The following TEPSIN variants were observed in gnomAD, a reference collection of about 807,000 sequenced individuals.
TEPSIN encodes TEPSIN adaptor related protein complex 4 accessory protein.
Under a neutral mutation model 48.5 loss-of-function variants are expected in TEPSIN, and 50 were observed. That is an observed-to-expected ratio of 1.03 (90% confidence interval 0.82 to 1.31). The LOEUF is 1.31. Among genes scored for constraint, TEPSIN ranks in the 50% most tolerant of loss-of-function variants. The pLI is 0.00. For synonymous variants in TEPSIN, 392 were observed against 358.8 expected, an observed-to-expected ratio of 1.09 and a Z score of -1.05; for missense variants, 838 against 815.9, an observed-to-expected ratio of 1.03 and a Z score of -0.33.
At chr17:81,229,607 C>T (rs930068227) in intron 12 of TEPSIN, 131 bp from the exon 13 acceptor site, 43 of 981,106 alleles carry the variant, frequency 4.4e-5, no homozygotes, top group Admixed American at 8.2e-5. Flanking sequence ...GGCAGGACAC[C>T]GGCTGCTGGG....
Position 81,228,953 on chromosome 17 carries a change from G to T in TEPSIN, c.1757C>A (p.Ser586Ter), listed in dbSNP as rs776049058. 1.2e-6 allele frequency: 2 copies of T among 1,613,612 alleles called. No homozygotes were observed. Residue 586 changes from serine (S) to a stop codon, truncating the protein, a stop_gained, in exon 13 of 13, where the codon TCA becomes TAA. Transcript: ENST00000637944. LOFTEE classifies it high-confidence loss of function. ...TCAGGCGTTCAGGAACGCGAAAGCT[G>T]ACGGCTCTGAGCCAGGAGGCTCTTT... ...AAKEPPGSEP[S>*]AFAFLNA
rs750974004 is a variant in TEPSIN, at chr17:81,237,081, G to A, written c.122-10C>T. On this transcript the variant is annotated splice_polypyrimidine_tract_variant and intron_variant, in intron 2 of 12. Coordinates refer to ENST00000637944, the MANE Select transcript of TEPSIN (RefSeq NM_001363764.2). ...GACTCGTGGGAGATTTCTGCGGCAC[G>A]CTCGGGTTAGGGAAGGGCGAGATGA... The A allele has an allele frequency of 3.8e-6, 6 of 1,576,844 alleles. No individual in the cohort carries two copies. The highest frequency in any genetic ancestry group is 3.5e-5 in the South Asian group (3 of 86,488).
At chr17:81,229,732 T>C in intron 12 of TEPSIN, 1 of 527,492 alleles carries the variant, frequency 1.9e-6, no homozygotes, top group Non-Finnish European at 3.3e-6. Context: ...CTTTACTCAC[T>C]ACTAGACAAA....
At position 81,228,412 on chromosome 17, in the gene TEPSIN, G is replaced by T; in HGVS notation, c.*516C>A. Reference sequence around the variant, plus strand: ...TTACAGCCTAAAGGAGCAGGTGAGAGCCAGGGAAGGATCACGTAGGGATCT... The same window carrying T: ...TTACAGCCTAAAGGAGCAGGTGAGATCCAGGGAAGGATCACGTAGGGATCT... On this transcript the variant is annotated 3_prime_UTR_variant, in exon 13 of 13. Transcript: ENST00000637944. The T allele has an allele frequency of 8.7e-5, 16 of 183,884 alleles. No individual in the cohort carries two copies. The highest frequency in any genetic ancestry group is 1.3e-4 in the Non-Finnish European group (12 of 89,278). The allele number at this position is 183,884 out of a possible 1,614,324, so 11.4% of individuals were successfully genotyped here. A position where few individuals can be genotyped will look rare whatever the true frequency, so the allele number is the denominator to read the frequency against.
Position 81,229,371 on chromosome 17 carries a change from TCAG to T in TEPSIN, c.1336_1338del (p.Leu446del), listed in dbSNP as rs2062539682. 3 of 1,556,298 alleles carry T rather than the reference TCAG, an allele frequency of 1.9e-6. No individual in the cohort carries two copies. The highest frequency in any genetic ancestry group is 2.0e-5 in the Admixed American group (1 of 51,274). On this transcript the variant is annotated inframe_deletion, in exon 13 of 13. Coordinates refer to ENST00000637944, the MANE Select transcript of TEPSIN (RefSeq NM_001363764.2). ...CTCCCAGGGAGAGGCACAGCGTCGGTCAGCAGGTCAGATGGGCCTGGGAGGGCG... is the reference window on the plus strand; with the variant it reads ...CTCCCAGGGAGAGGCACAGCGTCGGTCAGGTCAGATGGGCCTGGGAGGGCG...
chr17:81,230,258 A>G lies in TEPSIN; in HGVS notation c.1233+286T>C, dbSNP rs947542747. 6.1e-5 allele frequency: 28 copies of G among 457,434 alleles called. 1 individual carries two copies. Among genetic ancestry groups the G allele is most frequent in the Admixed American group, 3.6e-4 (9 of 25,072 alleles). The allele number at this position is 457,434 out of a possible 1,614,324, so 28.3% of individuals were successfully genotyped here. On this transcript the variant is annotated intron_variant, in intron 12 of 12. Coordinates refer to ENST00000637944, the MANE Select transcript of TEPSIN (RefSeq NM_001363764.2). This position sits in a 1 kb window ranked among gnomAD's most constrained non-coding sequence, Gnocchi z 4.2. Reference sequence around the variant, plus strand: ...TGGAAGAGGTAAGTGTGAGGCCAAGACACAAGGGCAGGAACATTAAGGCAG... The same window carrying G: ...TGGAAGAGGTAAGTGTGAGGCCAAGGCACAAGGGCAGGAACATTAAGGCAG...
rs147640416 is a variant in TEPSIN, at chr17:81,235,667, G to A, written c.307+1041C>T. Among the ~76,000 whole-genome samples, 18 of 152,232 alleles carry A rather than the reference G, an allele frequency of 1.2e-4. No homozygotes were observed. In the East Asian group the frequency reaches 2.9e-3, roughly 25 times the overall value. On this transcript the variant is annotated intron_variant, in intron 4 of 12. Coordinates refer to ENST00000637944, the MANE Select transcript of TEPSIN (RefSeq NM_001363764.2). ...ACGTACATGCACCAACCACAGCCAC[G>A]GGAGTGGCCTGGAGCCCGGGGCCCT...
chr17:81,231,374 C>T, intron 11 of TEPSIN, 24 bp downstream of exon 11: 1 of 1,523,150 alleles, frequency 6.6e-7, no homozygotes, highest in South Asian at 1.3e-5. Flanking sequence ...CAGTCACGCC[C>T]TCCCGCCCGC....
intron 8 of TEPSIN, 23 bp downstream of exon 8, chr17:81,232,292 G>A (rs1198389264): frequency 2.0e-6 from 3 of 1,504,146 alleles, no homozygotes; most frequent in Non-Finnish European, 2.7e-6. Context: ...AGACCCCAAG[G>A]GGAGGAGCCC....
At position 81,232,313 on chromosome 17, in the gene TEPSIN, A is replaced by T. The variant is rs180934754; in HGVS notation, c.730+2T>A. 38 of 1,521,364 alleles carry T rather than the reference A, an allele frequency of 2.5e-5. No individual in the cohort carries two copies. In the East Asian group the frequency reaches 9.1e-4, roughly 37 times the overall value. The allele number at this position is 1,521,364 out of a possible 1,614,324, so 94.2% of individuals were successfully genotyped here. A position where few individuals can be genotyped will look rare whatever the true frequency, so the allele number is the denominator to read the frequency against. ...CAAGGGGAGGAGCCCTCGCCTCGAT[A>T]CCTCGGGGACCTGGAATGGCCCCGG... On this transcript the variant is annotated splice_donor_variant, in intron 8 of 12. Coordinates refer to ENST00000637944, the MANE Select transcript of TEPSIN (RefSeq NM_001363764.2). LOFTEE classifies it high-confidence loss of function.
intron 1 of TEPSIN, chr17:81,238,247 A>C (rs2062762057): frequency 1.5e-5 from 13 of 889,352 alleles, no homozygotes; most frequent in Non-Finnish European, 1.8e-5. Flanking sequence ...ACCACGCCCT[A>C]AGGGGAGCTG....
intron 8 of TEPSIN, 57 bp from the exon 9 acceptor site, chr17:81,232,078 C>T: frequency 6.4e-7 from 1 of 1,568,936 alleles, no homozygotes; most frequent in South Asian, 1.1e-5. Flanking sequence ...GCCCCATGCC[C>T]ACCTCCCGGG....
Position 81,231,870 on chromosome 17 carries a change from C to T in TEPSIN, c.882G>A (p.Arg294=). 6.2e-7 allele frequency: 1 copy of T among 1,613,570 alleles called. No homozygotes were observed. The highest frequency in any genetic ancestry group is 1.1e-5 in the South Asian group (1 of 91,082). ...SGSDSHSGAS[R]EPGDLAERVE... ...ACCTTTCTGCCAGGTCACCCGGCTC[C>T]CGGCTGGCCCCTGAATGGCTGTCGC... Residue 294 remains arginine (R), a synonymous_variant, in exon 9 of 13, where the codon CGG becomes CGA. Transcript: ENST00000637944.
chr17:81,228,538 G>A lies in TEPSIN; in HGVS notation c.*390C>T, dbSNP rs554667053. ...CCAGCCTCAGCACCTAGCCCACCCC[G>A]ATGGGACGGGGGAGCAGTGGCTTGT... On this transcript the variant is annotated 3_prime_UTR_variant, in exon 13 of 13. Transcript: ENST00000637944. 138 of 303,222 alleles carry A rather than the reference G, an allele frequency of 4.6e-4. 1 individual carries two copies. The highest frequency in any genetic ancestry group is 2.7e-3 in the African/African-American group (119 of 43,350). The allele number at this position is 303,222 out of a possible 1,614,324, so 18.8% of individuals were successfully genotyped here. A position where few individuals can be genotyped will look rare whatever the true frequency, so the allele number is the denominator to read the frequency against.
rs1475755747 is a variant in TEPSIN, at chr17:81,233,747, C to T, written c.376-31G>A. ...GGGGGAGGCGAAGGCCCTCAGTGTC[C>T]TCACACCAGGGCCTGCTGTACTCAC... On this transcript the variant is annotated intron_variant, in intron 5 of 12. Transcript: ENST00000637944. The surrounding 1 kb of genome is among the most constrained non-coding windows in gnomAD (Gnocchi z 5.8). The T allele has an allele frequency of 3.8e-6, 6 of 1,565,476 alleles. No homozygotes were observed. The East Asian group carries it at 1.1e-4, about 30-fold the overall frequency.
Position 81,237,941 on chromosome 17 carries a change from G to A in TEPSIN, c.49-482C>T. The A allele has an allele frequency of 6.0e-6, 6 of 998,444 alleles. No homozygotes were observed. In the South Asian group the frequency reaches 2.4e-4, roughly 40 times the overall value. 61.8% of individuals were successfully genotyped at this position (998,444 alleles called of 1,614,324 possible). On this transcript the variant is annotated intron_variant, in intron 1 of 12. Coordinates refer to ENST00000637944, the MANE Select transcript of TEPSIN (RefSeq NM_001363764.2). ...CTCCATCGCTCCCCGAGAACCGACT[G>A]ATGTCGTGTGTTTTACGTTCGCTTA...
At position 81,234,665 on chromosome 17, in the gene TEPSIN, C is replaced by T. The variant is rs896000106; in HGVS notation, c.308-617G>A. 1.3e-5 allele frequency among the ~76,000 whole-genome samples: 2 copies of T among 152,008 alleles called. No homozygotes were observed. Among genetic ancestry groups the T allele is most frequent in the South Asian group, 2.1e-4 (1 of 4,826 alleles). ...CCACTCACGCCCCTCGGCCGTCTAC[C>T]TCCACCCTGGCAGGCTGGTCCCGTG... On this transcript the variant is annotated intron_variant, in intron 4 of 12. Coordinates refer to ENST00000637944, the MANE Select transcript of TEPSIN (RefSeq NM_001363764.2). The surrounding 1 kb of genome is among the most constrained non-coding windows in gnomAD (Gnocchi z 5.4).
chr17:81,229,474 GATCT>G lies in TEPSIN; in HGVS notation c.1234-2_1235del. 6.5e-7 allele frequency: 1 copy of G among 1,549,376 alleles called. No individual in the cohort carries two copies. Among genetic ancestry groups the G allele is most frequent in the Non-Finnish European group, 8.7e-7 (1 of 1,146,544 alleles). On this transcript the variant is annotated splice_acceptor_variant and coding_sequence_variant, in exon 13 of 13. Coordinates refer to ENST00000637944, the MANE Select transcript of TEPSIN (RefSeq NM_001363764.2). LOFTEE classifies it high-confidence loss of function. ...CACAGGAGGCCTCAAAGTGCCTCAGGATCTGAAAGAGGAAGGAGGAACCAGGGAG... is the reference window on the plus strand; with the variant it reads ...CACAGGAGGCCTCAAAGTGCCTCAGGGAAAGAGGAAGGAGGAACCAGGGAG...
intron 2 of TEPSIN, 73 bp from the exon 3 acceptor site, chr17:81,237,144 G>C (rs530078242): frequency 2.1e-6 from 3 of 1,457,922 alleles, no homozygotes; most frequent in African/African-American, 1.4e-5. Flanking sequence ...CCAGGCCATG[G>C]GGCCTCTCAG....
Sources: gnomAD v4.1 joint callset for allele counts (sites outside exome capture counted in the v4.1 genomes callset) on GRCh38, gnomAD v4.1.1 for gene constraint, Gnocchi (gnomAD v3.1) non-coding constraint, MANE v1.5 for transcripts, NCBI Gene and HGNC (gene_info 2026-07-23, HGNC 2026-07-21) for gene names.